The following KCNU1 variants were observed in gnomAD, a reference collection of about 807,000 sequenced individuals.
The protein encoded by KCNU1 is potassium channel subfamily U member 1.
In KCNU1, 93 loss-of-function variants were observed where a neutral mutation model predicts 126.8. The observed-to-expected ratio is 0.73, with a 90% CI of 0.62 to 0.87. The LOEUF (loss-of-function observed/expected upper bound fraction) is 0.87, where lower values mean the gene tolerates loss of function less well. KCNU1 is among the 40% of genes least tolerant of loss of function. The pLI is 0.00. For missense variants in KCNU1, 1,330 were observed against 1,367.1 expected, an observed-to-expected ratio of 0.97 and a Z score of 0.43; for synonymous variants, 523 against 494.2, an observed-to-expected ratio of 1.06 and a Z score of -0.77.
At chr8:36,926,842 C>T (rs551002820) in intron 24 of KCNU1, among the ~76,000 whole-genome samples, 1 of 152,038 alleles carries the variant, frequency 6.6e-6, no homozygotes, top group African/African-American at 2.4e-5. Context: ...TTCCTTGATA[C>T]CCACACTATA....
At chr8:36,933,104 G>T in intron 26 of KCNU1, 72 bp downstream of exon 26, 2 of 948,658 alleles carry the variant, frequency 2.1e-6, no homozygotes, top group Non-Finnish European at 3.3e-6. Context: ...TATTCAATGT[G>T]AAAGAGAATT....
At chr8:36,928,986 A>T in intron 24 of KCNU1, 1 of 699,572 alleles carries the variant, frequency 1.4e-6, no homozygotes, top group Non-Finnish European at 2.6e-6. Context: ...GATAAAGAAA[A>T]CAGAATTTAG....
At chr8:36,874,513 G>A (rs1430121778) in intron 19 of KCNU1, among the ~76,000 whole-genome samples, 1 of 151,992 alleles carries the variant, frequency 6.6e-6, no homozygotes, top group Non-Finnish European at 1.5e-5. Flanking sequence ...TTCATGTGAT[G>A]TCCCAGGCAC....
intron 10 of KCNU1, among the ~76,000 whole-genome samples, chr8:36,831,737 T>C (rs1178703416): frequency 6.7e-6 from 1 of 149,420 alleles, no homozygotes; most frequent in Non-Finnish European, 1.5e-5. Flanking sequence ...GTAGTTTCTT[T>C]TGCTGTGCAG....
At chr8:36,910,095 C>T (rs1249287015) in intron 21 of KCNU1, among the ~76,000 whole-genome samples, 1 of 152,082 alleles carries the variant, frequency 6.6e-6, no homozygotes, top group African/African-American at 2.4e-5. Context: ...CCACTCTATG[C>T]CACCATTTCA....
At chr8:36,833,449 A>T (rs773385935) in intron 10 of KCNU1, 105 bp from the exon 11 acceptor site, 57 of 599,070 alleles carry the variant, frequency 9.5e-5, no homozygotes, top group Non-Finnish European at 1.4e-4. Context: ...TTTTCATATC[A>T]CTATGAGGGA....
chr8:36,932,538 AAG>A (rs1808732851), intron 25 of KCNU1, among the ~76,000 whole-genome samples: 1 of 152,082 alleles, frequency 6.6e-6, no homozygotes, highest in African/African-American at 2.4e-5. Context: ...ACAGTAGGGT[AAG>A]ATGACTCCTC....
intron 19 of KCNU1, among the ~76,000 whole-genome samples, chr8:36,893,648 T>C (rs1330404446): frequency 1.3e-5 from 2 of 152,110 alleles, no homozygotes; most frequent in Non-Finnish European, 2.9e-5. Flanking sequence ...GATAGTGGAA[T>C]GGGAATAGCA....
intron 20 of KCNU1, among the ~76,000 whole-genome samples, chr8:36,908,988 A>G (rs752701252): frequency 1.3e-5 from 2 of 152,206 alleles, no homozygotes; most frequent in Non-Finnish European, 2.9e-5. Flanking sequence ...AATAAAAATC[A>G]AGAAATACTT....
chr8:36,869,615 G>A (rs1806031304), intron 19 of KCNU1, among the ~76,000 whole-genome samples: 1 of 152,100 alleles, frequency 6.6e-6, no homozygotes, highest in Non-Finnish European at 1.5e-5. Context: ...TGGCAGACAT[G>A]AGCTCCAGAT....
At chr8:36,907,690 A>T (rs1437527963) in intron 20 of KCNU1, among the ~76,000 whole-genome samples, 1 of 152,140 alleles carries the variant, frequency 6.6e-6, no homozygotes, top group Admixed American at 6.5e-5. Context: ...ATCCTGTTAG[A>T]CTTCATCAAT....
chr8:36,813,969 G>A (rs1479830495), intron 7 of KCNU1, among the ~76,000 whole-genome samples: 3 of 152,152 alleles, frequency 2.0e-5, no homozygotes, highest in Non-Finnish European at 4.4e-5. Flanking sequence ...CTGTGCTGCA[G>A]CTACAAGCCC....
chr8:36,815,257 GA>G (rs2130463973), intron 8 of KCNU1, among the ~76,000 whole-genome samples: 1 of 152,242 alleles, frequency 6.6e-6, no homozygotes, highest in South Asian at 2.1e-4. Flanking sequence ...CTTGAACCTG[GA>G]GGCAGAGGTT....
chr8:36,919,428 CAAAA>C (rs10699066), intron 23 of KCNU1, among the ~76,000 whole-genome samples: 1 of 109,476 alleles, frequency 9.1e-6, no homozygotes. Context: ...CTAAAATAGG[CAAAA>C]AAAAAAAAAA....
Position 36,935,661 on chromosome 8 carries a change from AGAC to A in KCNU1, c.3192_3194del (p.Thr1066del). The stretch of plus-strand genomic sequence containing the variant: ...TATGAAATTGTAAATAAAGCATCAC[AGAC>A]AACAGAGACACATTCAGACACAAAT... On this transcript the variant is annotated inframe_deletion, in exon 27 of 27. Transcript: ENST00000399881. The A allele has an allele frequency of 6.2e-7, 1 of 1,613,540 alleles. No individual in the cohort carries two copies. The highest frequency in any genetic ancestry group is 8.5e-7 in the Non-Finnish European group (1 of 1,179,586).
chr8:36,849,456 G>A (rs1805267375), intron 18 of KCNU1, among the ~76,000 whole-genome samples: 2 of 152,106 alleles, frequency 1.3e-5, no homozygotes, highest in African/African-American at 2.4e-5. Flanking sequence ...GGGTGTGGTG[G>A]TGTGTGCCTG....
At chr8:36,890,270 T>G (rs1806905858) in intron 19 of KCNU1, among the ~76,000 whole-genome samples, 1 of 152,046 alleles carries the variant, frequency 6.6e-6, no homozygotes, top group Non-Finnish European at 1.5e-5. Flanking sequence ...TTTAATTGAC[T>G]TAAAATATAA....
intron 18 of KCNU1, among the ~76,000 whole-genome samples, chr8:36,862,955 C>T (rs150511263): frequency 1.4e-3 from 210 of 152,208 alleles, no homozygotes; most frequent in African/African-American, 4.2e-3. Flanking sequence ...GTTCCCTTCC[C>T]GAGCCATTCC....
rs139363261 is a variant in KCNU1 at position 36,924,644 on chromosome 8, C to A, written c.2736+2015C>A. Among the ~76,000 whole-genome samples, 204 of 152,300 alleles carry A rather than the reference C, an allele frequency of 1.3e-3. 1 individual carries two copies. The highest frequency in any genetic ancestry group is 4.5e-3 in the African/African-American group (186 of 41,574). ...GAGGAAGTCAAGTCAGGTTACTTTT[C>A]TGAGAAGGTGGCTCTGTCAGAGAAA... On this transcript the variant is annotated intron_variant, in intron 24 of 26. Coordinates refer to ENST00000399881, the MANE Select transcript of KCNU1 (RefSeq NM_001031836.3).
Sources: allele counts gnomAD v4.1 joint callset (sites outside exome capture counted in the v4.1 genomes callset), GRCh38; gene constraint gnomAD v4.1.1; transcripts MANE v1.5; gene names NCBI Gene and HGNC (gene_info 2026-07-23, HGNC 2026-07-21).